The following EPHB1 variants were observed in gnomAD, a reference collection of about 807,000 sequenced individuals.
EPHB1 encodes the protein ephrin type-B receptor 1.
A neutral mutation model predicts 94.4 loss-of-function variants in EPHB1; 30 were observed. The observed-to-expected ratio is 0.32, with a 90% CI of 0.24 to 0.43. The LOEUF is 0.43. Ranked by LOEUF, EPHB1 falls within the 20% of genes least tolerant of loss-of-function variation. The probability of loss-of-function intolerance (pLI) is 1.00; values close to 1 mark genes in which losing one functional copy is unlikely to be tolerated. For synonymous variants in EPHB1, 522 were observed against 489.1 expected, an observed-to-expected ratio of 1.07 and a Z score of -0.89; for missense variants, 1,055 against 1,308.3, an observed-to-expected ratio of 0.81 and a Z score of 2.99.
At chr3:134,972,143 T>A (rs1430881126) in intron 3 of EPHB1, among the ~76,000 whole-genome samples, 1 of 152,058 alleles carries the variant, frequency 6.6e-6, no homozygotes, top group Non-Finnish European at 1.5e-5. Context: ...CCAGTCCTCA[T>A]GGCCACACCT....
At chr3:135,250,016 AG>A (rs764057295) in intron 15 of EPHB1, among the ~76,000 whole-genome samples, 1 of 152,222 alleles carries the variant, frequency 6.6e-6, no homozygotes, top group Non-Finnish European at 1.5e-5. Context: ...ATAAGACGAG[AG>A]CCAGAAAGAG....
At chr3:134,828,622 C>T (rs1363599306) in intron 1 of EPHB1, among the ~76,000 whole-genome samples, 1 of 152,208 alleles carries the variant, frequency 6.6e-6, no homozygotes, top group African/African-American at 2.4e-5. Context: ...GATGCTCTGC[C>T]TAGCGCTATT....
intron 1 of EPHB1, among the ~76,000 whole-genome samples, chr3:134,833,673 G>A (rs1053210394): frequency 1.3e-5 from 2 of 152,176 alleles, no homozygotes; most frequent in African/African-American, 4.8e-5. Context: ...GCCCCAGGGT[G>A]GGGACTGGCC....
rs143843980 is a variant in EPHB1, at chr3:134,975,599, G to A, written c.805+23547G>A. On this transcript the variant is annotated intron_variant, in intron 3 of 15. Transcript: ENST00000398015. ...CCAATGTACTGCCTGGTCCTGTACT[G>A]AGGGCTTTGCTTACATGATCTCATT... Among the ~76,000 whole-genome samples, 730 of 152,228 alleles carry A rather than the reference G, an allele frequency of 4.8e-3. 2 individuals carry two copies. The highest frequency in any genetic ancestry group is 0.017 in the Middle Eastern group (5 of 294).
intron 3 of EPHB1, among the ~76,000 whole-genome samples, chr3:134,962,487 A>G (rs1222235984): frequency 6.6e-6 from 1 of 152,198 alleles, no homozygotes; most frequent in Non-Finnish European, 1.5e-5. Flanking sequence ...TAGATGGGAC[A>G]GGACAAGTGC....
At chr3:135,200,379 C>A (rs1302118322) in intron 11 of EPHB1, among the ~76,000 whole-genome samples, 1 of 152,144 alleles carries the variant, frequency 6.6e-6, no homozygotes, top group Non-Finnish European at 1.5e-5. Context: ...TGAAGAGGAG[C>A]AGCAACAGCT....
At chr3:135,035,379 A>T (rs1010109483) in intron 3 of EPHB1, among the ~76,000 whole-genome samples, 2 of 152,214 alleles carry the variant, frequency 1.3e-5, no homozygotes, top group Non-Finnish European at 2.9e-5. Flanking sequence ...GCCTACTTCC[A>T]CAGAGGGAGA....
At position 135,259,097 on chromosome 3, in the gene EPHB1, C is replaced by A; in HGVS notation, c.2932C>A (p.Gln978Lys). 6.2e-7 allele frequency: 1 copy of A among 1,609,462 alleles called. No homozygotes were observed. Among genetic ancestry groups the A allele is most frequent in the South Asian group, 1.1e-5 (1 of 89,442 alleles). Reference sequence around the variant, plus strand: ...TCATTCTATGAGGGTCCAGATAAGTCAGTCACCAACGGCAATGGCATGAGA... The same window carrying A: ...TCATTCTATGAGGGTCCAGATAAGTAAGTCACCAACGGCAATGGCATGAGA... ...SIHSMRVQIS[Q>K]SPTAMA The change falls in exon 16 of 16, where the codon CAG becomes AAG. Residue 978 changes from glutamine (Q) to lysine (K), a missense_variant. Transcript: ENST00000398015.
intron 1 of EPHB1, among the ~76,000 whole-genome samples, chr3:134,902,513 G>T (rs2038223068): frequency 6.6e-6 from 1 of 152,116 alleles, no homozygotes; most frequent in Non-Finnish European, 1.5e-5. Context: ...TGCAATAAAA[G>T]GAAATTATTT....
At position 134,884,645 on chromosome 3, in the gene EPHB1, CT is replaced by C. The variant is rs1360261603; in HGVS notation, c.59-41168del. 2.6e-5 allele frequency among the ~76,000 whole-genome samples: 4 copies of C among 152,304 alleles called. No individual in the cohort carries two copies. The East Asian group carries it at 7.7e-4, about 29-fold the overall frequency. Reference sequence around the variant, plus strand: ...CAACAGGATAAAATTTAATAATACTCTTTCCTTTGAAAAGACTTGAATGACC... The same window carrying C: ...CAACAGGATAAAATTTAATAATACTCTTCCTTTGAAAAGACTTGAATGACC... On this transcript the variant is annotated intron_variant, in intron 1 of 15. Transcript: ENST00000398015.
At chr3:135,246,455 C>G (rs775429370) in intron 13 of EPHB1, among the ~76,000 whole-genome samples, 1 of 152,102 alleles carries the variant, frequency 6.6e-6, no homozygotes, top group Non-Finnish European at 1.5e-5. Context: ...AGAAGACAGC[C>G]GACACCTCCA....
chr3:135,178,051 G>A (rs1020485755), intron 9 of EPHB1, among the ~76,000 whole-genome samples: 1 of 152,088 alleles, frequency 6.6e-6, no homozygotes, highest in Non-Finnish European at 1.5e-5. Context: ...AGCTTTCAAG[G>A]AGACTTCTAG....
intron 3 of EPHB1, among the ~76,000 whole-genome samples, chr3:134,998,651 A>C (rs1284642748): frequency 6.6e-6 from 1 of 152,196 alleles, no homozygotes; most frequent in Non-Finnish European, 1.5e-5. Context: ...TGCTTTGGGG[A>C]TACCATCCCC....
intron 12 of EPHB1, among the ~76,000 whole-genome samples, chr3:135,225,795 GC>G (rs1373041688): frequency 1.3e-5 from 2 of 151,762 alleles, no homozygotes; most frequent in Admixed American, 6.6e-5. Context: ...ACTCTGACAA[GC>G]CCAGCTGCCC....
intron 15 of EPHB1, among the ~76,000 whole-genome samples, chr3:135,250,998 C>CCAA (rs1235002664): frequency 3.9e-5 from 6 of 151,986 alleles, no homozygotes; most frequent in African/African-American, 1.5e-4. Flanking sequence ...TCCTGACATT[C>CCAA]CAACAGTTTT....
chr3:135,133,651 T>C (rs757689542), intron 5 of EPHB1, among the ~76,000 whole-genome samples: 1 of 146,808 alleles, frequency 6.8e-6, no homozygotes, highest in South Asian at 2.3e-4. Flanking sequence ...TGATGAATGA[T>C]ATGCTGCTGT....
At chr3:135,094,802 C>T (rs942968600) in intron 3 of EPHB1, among the ~76,000 whole-genome samples, 9 of 152,210 alleles carry the variant, frequency 5.9e-5, no homozygotes, top group African/African-American at 2.2e-4. Flanking sequence ...GTCCAGTTGG[C>T]CTGCTATAGA....
intron 6 of EPHB1, chr3:135,154,510 A>G: frequency 1.0e-5 from 5 of 476,828 alleles, no homozygotes; most frequent in Non-Finnish European, 1.5e-5. Flanking sequence ...CCATCCTGCA[A>G]TCTGGATAGT....
chr3:135,054,206 C>A (rs60797645), intron 3 of EPHB1, among the ~76,000 whole-genome samples: 1 of 151,874 alleles, frequency 6.6e-6, no homozygotes, highest in Non-Finnish European at 1.5e-5. Context: ...AATTAAGTTA[C>A]AAAAAAGACT....
Sources: gnomAD v4.1 joint callset for allele counts (sites outside exome capture counted in the v4.1 genomes callset) on GRCh38, gnomAD v4.1.1 for gene constraint, MANE v1.5 for transcripts, NCBI Gene and HGNC (gene_info 2026-07-23, HGNC 2026-07-21) for gene names.